Variants in MBD5 observed in about 807,000 individuals in gnomAD.
MBD5 encodes methyl-CpG binding domain protein 5.
MBD5 carries 13 observed loss-of-function variants against 117.3 expected under a neutral mutation model. The ratio of observed to expected loss-of-function variants is 0.11; its 90% CI spans 0.07 to 0.18. MBD5 has a LOEUF of 0.18. MBD5 is among the 10% of genes least tolerant of loss of function. The probability of loss-of-function intolerance (pLI) is 1.00; values close to 1 mark genes in which losing one functional copy is unlikely to be tolerated. For missense variants in MBD5, 1,879 were observed against 2,093.8 expected (o/e 0.90, Z 2.00); for synonymous variants, 727 against 766.4 (o/e 0.95, Z 0.85).
intron 3 of MBD5, among the ~76,000 whole-genome samples, chr2:148,282,346 C>G (rs985303432): frequency 2.0e-5 from 3 of 151,846 alleles, no homozygotes; most frequent in African/African-American, 7.3e-5. Flanking sequence ...ATAAGAATAC[C>G]AATTCATGTT....
intron 13 of MBD5, chr2:148,512,231 C>G (rs1682241933): frequency 6.2e-6 from 1 of 161,796 alleles, no homozygotes; most frequent in African/African-American, 2.4e-5. Flanking sequence ...CTAAATGTTG[C>G]TAGTTCCTGC....
At chr2:148,314,839 A>G (rs1212608486) in intron 3 of MBD5, among the ~76,000 whole-genome samples, 7 of 152,158 alleles carry the variant, frequency 4.6e-5, no homozygotes, top group African/African-American at 1.4e-4. Flanking sequence ...ACAGTTGGCA[A>G]CTGTTTTTAG....
At chr2:148,395,084 A>G (rs1559053213) in intron 4 of MBD5, among the ~76,000 whole-genome samples, 3 of 152,214 alleles carry the variant, frequency 2.0e-5, no homozygotes, top group Non-Finnish European at 1.5e-5. Context: ...TAAGGATACC[A>G]GTGGACCATA....
At chr2:148,470,497 T>C in intron 8 of MBD5, 36 bp downstream of exon 8, 1 of 1,510,746 alleles carries the variant, frequency 6.6e-7, no homozygotes, top group Non-Finnish European at 8.9e-7. Context: ...CCAAAGGTAC[T>C]AAACTTTTCT....
At chr2:148,319,473 G>C (rs1702233153) in intron 3 of MBD5, among the ~76,000 whole-genome samples, 1 of 152,000 alleles carries the variant, frequency 6.6e-6, no homozygotes, top group Non-Finnish European at 1.5e-5. Flanking sequence ...ATCTCACCTT[G>C]GTTAAATATA....
chr2:148,124,367 A>G (rs1379224574), intron 1 of MBD5, among the ~76,000 whole-genome samples: 1 of 152,162 alleles, frequency 6.6e-6, no homozygotes, highest in African/African-American at 2.4e-5. Flanking sequence ...GCTTGGGCCC[A>G]GGAGTTCAAG....
intron 3 of MBD5, among the ~76,000 whole-genome samples, chr2:148,315,026 T>C (rs1167217066): frequency 6.6e-6 from 1 of 152,142 alleles, no homozygotes; most frequent in African/African-American, 2.4e-5. Flanking sequence ...CTTCTTTTCT[T>C]TTTCTGAGGA....
chr2:148,143,187 A>G (rs778175620), intron 1 of MBD5, among the ~76,000 whole-genome samples: 8 of 152,236 alleles, frequency 5.3e-5, no homozygotes, highest in Non-Finnish European at 1.2e-4. Flanking sequence ...TAAACAACGT[A>G]CAGCAGGTCC....
chr2:148,187,631 G>T (rs1417752633), intron 2 of MBD5, among the ~76,000 whole-genome samples: 1 of 151,732 alleles, frequency 6.6e-6, no homozygotes, highest in Non-Finnish European at 1.5e-5. Flanking sequence ...CAAACCAGAA[G>T]ATAATGGAAT....
chr2:148,468,987 A>G lies in MBD5; in HGVS notation c.1044A>G (p.Lys348=), dbSNP rs776404448. 6.2e-7 allele frequency: 1 copy of G among 1,613,912 alleles called. No homozygotes were observed. The highest frequency in any genetic ancestry group is 1.6e-4 in the Middle Eastern group (1 of 6,062). The change falls in exon 8 of 14, where the codon AAA becomes AAG. Residue 348 remains lysine (K), a synonymous_variant. Transcript: ENST00000642680. ...PPPPPSCALQ[K]KPLTSEKDPL... ...CTCCACCTTCTTGTGCTCTTCAGAA[A>G]AAGCCATTAACATCTGAGAAAGATC...
chr2:148,042,422 G>A (rs529231094), intron 1 of MBD5, among the ~76,000 whole-genome samples: 2 of 151,868 alleles, frequency 1.3e-5, no homozygotes, highest in South Asian at 2.1e-4. Context: ...ACAGCTATGA[G>A]TAAGCTATAG....
intron 4 of MBD5, among the ~76,000 whole-genome samples, chr2:148,386,450 G>T (rs1704364883): frequency 6.6e-6 from 1 of 152,086 alleles, no homozygotes; most frequent in Non-Finnish European, 1.5e-5. Flanking sequence ...CGGGCGCGGT[G>T]GCTCACGCCT....
At chr2:148,140,514 A>G (rs1165623288) in intron 1 of MBD5, among the ~76,000 whole-genome samples, 1 of 152,212 alleles carries the variant, frequency 6.6e-6, no homozygotes, top group Admixed American at 6.5e-5. Flanking sequence ...TGAGGAAATT[A>G]CTCAAATACT....
chr2:148,440,028 C>T (rs985968312), intron 4 of MBD5, among the ~76,000 whole-genome samples: 3 of 152,058 alleles, frequency 2.0e-5, no homozygotes, highest in African/African-American at 2.4e-5. Flanking sequence ...AGTGAGCCAC[C>T]GCACCTGGCG....
At chr2:148,246,763 C>CAAAA (rs71406014) in intron 3 of MBD5, among the ~76,000 whole-genome samples, 721 of 69,764 alleles carry the variant, frequency 0.01, 24 homozygotes, top group Non-Finnish European at 0.012. Flanking sequence ...GACTCCATCT[C>CAAAA]AAAAAAAAAA....
chr2:148,396,808 A>G (rs999146158), intron 4 of MBD5, among the ~76,000 whole-genome samples: 1 of 152,196 alleles, frequency 6.6e-6, no homozygotes, highest in African/African-American at 2.4e-5. Flanking sequence ...AACTCCTGTC[A>G]ACACCCAGGA....
chr2:148,385,960 T>C (rs1431269674), intron 4 of MBD5, among the ~76,000 whole-genome samples: 1 of 76,670 alleles, frequency 1.3e-5, no homozygotes, highest in African/African-American at 5.4e-5. Flanking sequence ...GGGACTGTTG[T>C]GGGGTGGGGG....
chr2:148,488,461 T>G (rs1206123115), intron 10 of MBD5, among the ~76,000 whole-genome samples: 1 of 152,088 alleles, frequency 6.6e-6, no homozygotes, highest in Admixed American at 6.5e-5. Flanking sequence ...GCAGTTGAAT[T>G]GATCCAAGAT....
chr2:148,162,300 C>G (rs1456351172), intron 1 of MBD5, among the ~76,000 whole-genome samples: 1 of 152,192 alleles, frequency 6.6e-6, no homozygotes, highest in Non-Finnish European at 1.5e-5. Context: ...CCCCACCCCC[C>G]TGTCCATTTA....
Sources: allele counts gnomAD v4.1 joint callset (sites outside exome capture counted in the v4.1 genomes callset), GRCh38; gene constraint gnomAD v4.1.1; transcripts MANE v1.5; gene names NCBI Gene and HGNC (gene_info 2026-07-23, HGNC 2026-07-21).